OTOA: variants seen among roughly 807,000 people sequenced by gnomAD.
OTOA encodes the protein otoancorin.
Under a neutral mutation model 110.8 loss-of-function variants are expected in OTOA, and 70 were observed. The observed-to-expected ratio is 0.63, with a 90% CI of 0.52 to 0.77. OTOA has a LOEUF of 0.77. Ranked by LOEUF, OTOA falls within the 30% of genes least tolerant of loss-of-function variation. OTOA has a pLI of 0.00. For missense variants in OTOA, 917 were observed against 1,075.8 expected, an observed-to-expected ratio of 0.85 and a Z score of 2.06; for synonymous variants, 373 against 431.5, an observed-to-expected ratio of 0.86 and a Z score of 1.68.
intron 28 of OTOA, 85 bp from the exon 29 acceptor site, chr16:21,760,385 A>T: frequency 9.1e-7 from 1 of 1,101,466 alleles, no homozygotes; most frequent in Non-Finnish European, 1.3e-6. Flanking sequence ...CCCCAGAGAG[A>T]GACTCGGGGA....
intron 1 of OTOA, among the ~76,000 whole-genome samples, chr16:21,667,086 C>T (rs1004677900): frequency 1.3e-5 from 2 of 152,148 alleles, no homozygotes; most frequent in Non-Finnish European, 2.9e-5. Context: ...ATGACCCAAA[C>T]CAGGAAGACT....
chr16:21,738,607 C>T, intron 22 of OTOA, among the ~76,000 whole-genome samples: 1 of 147,714 alleles, frequency 6.8e-6, no homozygotes, highest in African/African-American at 2.5e-5. Flanking sequence ...TGTCCCCAGC[C>T]AAACTCTTCT....
intron 19 of OTOA, chr16:21,727,016 T>TG: frequency 9.5e-6 from 2 of 209,954 alleles, no homozygotes; most frequent in African/African-American, 2.4e-5. Context: ...CTTAGAGTTT[T>TG]TTTTTTTTTT....
rs113820086 is a variant in OTOA, at chr16:21,687,459, C to T, written c.446C>T (p.Ala149Val). 3 of 1,614,018 alleles carry T rather than the reference C, an allele frequency of 1.9e-6. No homozygotes were observed. Among genetic ancestry groups the T allele is most frequent in the Non-Finnish European group, 2.5e-6 (3 of 1,179,994 alleles). Residue 149 changes from alanine (A) to valine (V), a missense_variant, in exon 8 of 29, where the codon GCC (alanine) becomes GTC (valine). Ala to Val is a moderately conservative substitution (Grantham distance 64). Transcript: ENST00000646100. ...GACTTAGGAGAGATTCGAGAACGAG[C>T]CTTGCAGAGCCCTGGCGTGAACCGC... ...IIDLGEIRER[A>V]LQSPGVNRSL...
intron 9 of OTOA, among the ~76,000 whole-genome samples, chr16:21,695,340 C>T (rs1373849045): frequency 6.6e-6 from 1 of 150,716 alleles, no homozygotes; most frequent in Admixed American, 6.6e-5. Flanking sequence ...GAGCTATGAT[C>T]ATCCAACTGC....
chr16:21,736,385 T>G lies in OTOA; in HGVS notation c.2426T>G (p.Met809Arg), dbSNP rs1466394135. The change falls in exon 22 of 29, where the codon ATG becomes AGG. Residue 809 changes from methionine to arginine, a missense_variant. By Grantham distance (91) the Met-to-Arg change is moderately conservative. This residue lies in a region of OTOA where 57 missense variants were observed against 59.7 expected (regional missense o/e 0.96). Coordinates refer to ENST00000646100, the MANE Select transcript of OTOA (RefSeq NM_144672.4). The stretch of plus-strand genomic sequence containing the variant: ...GATAAGATCCCCAGCTATGACCCTA[T>G]GCCTGGTGAGTGTTTTCAGGGTATC... Reference protein sequence around the residue: ...SSDKIPSYDPMPGCHGVVAPS... With the variant: ...SSDKIPSYDPRPGCHGVVAPS... 1 of 1,614,076 alleles carries G rather than the reference T, an allele frequency of 6.2e-7. No individual in the cohort carries two copies. The highest frequency in any genetic ancestry group is 8.5e-7 in the Non-Finnish European group (1 of 1,180,040).
At chr16:21,759,741 A>C (rs2141771763) in intron 28 of OTOA, among the ~76,000 whole-genome samples, 1 of 152,110 alleles carries the variant, frequency 6.6e-6, no homozygotes, top group East Asian at 1.9e-4. Flanking sequence ...TCTCTACTAA[A>C]AATGCAAAAA....
chr16:21,686,425 A>T (rs1048504202), intron 7 of OTOA, among the ~76,000 whole-genome samples: 1 of 151,938 alleles, frequency 6.6e-6, no homozygotes, highest in African/African-American at 2.4e-5. Flanking sequence ...AGCAGCTAGG[A>T]CTACAGGTGC....
chr16:21,688,531 T>C (rs532773932), intron 8 of OTOA, among the ~76,000 whole-genome samples: 1 of 152,294 alleles, frequency 6.6e-6, no homozygotes, highest in East Asian at 1.9e-4. Flanking sequence ...GTAACAAAAA[T>C]ACCATAGACT....
At chr16:21,696,241 T>C (rs1229526951) in intron 9 of OTOA, among the ~76,000 whole-genome samples, 2 of 151,900 alleles carry the variant, frequency 1.3e-5, no homozygotes, top group Admixed American at 1.3e-4. Context: ...ATGGGGAATT[T>C]CAAAAGCCAG....
At position 21,715,036 on chromosome 16, in the gene OTOA, A is replaced by T. The variant is rs767465520; in HGVS notation, c.1372A>T (p.Ser458Cys). 2.5e-6 allele frequency: 4 copies of T among 1,614,224 alleles called. No individual in the cohort carries two copies. The highest frequency in any genetic ancestry group is 3.4e-6 in the Non-Finnish European group (4 of 1,180,018). ...GATGGGCGCACTGCTGGCTGGGGTC[A>T]GCACCCAGGCCTTCTGCAGCATGAA... is the stretch of plus-strand genomic sequence containing the variant. ...SQMGALLAGV[S>C]TQAFCSMKRK... Residue 458 changes from serine to cysteine, a missense_variant, in exon 14 of 29, where the codon AGC becomes TGC. Coordinates refer to ENST00000646100, the MANE Select transcript of OTOA (RefSeq NM_144672.4).
intron 9 of OTOA, among the ~76,000 whole-genome samples, chr16:21,697,540 G>A (rs1567373587): frequency 6.6e-6 from 1 of 152,140 alleles, no homozygotes; most frequent in Non-Finnish European, 1.5e-5. Flanking sequence ...GACTGAGGCA[G>A]GAGAATCGCT....
At chr16:21,717,125 A>C in intron 15 of OTOA, 78 bp downstream of exon 15, 1 of 1,575,186 alleles carries the variant, frequency 6.3e-7, no homozygotes, top group Non-Finnish European at 8.7e-7. Context: ...TTTTAAGGTT[A>C]ATTTGATAAA....
chr16:21,703,323 C>T (rs1048638376), intron 11 of OTOA, among the ~76,000 whole-genome samples: 8 of 152,170 alleles, frequency 5.3e-5, no homozygotes, highest in East Asian at 1.9e-4. Flanking sequence ...ATGAGTATGA[C>T]GTTTGTTTAT....
At chr16:21,739,382 G>C (rs2141741639) in intron 22 of OTOA, among the ~76,000 whole-genome samples, 2 of 151,186 alleles carry the variant, frequency 1.3e-5, no homozygotes, top group Middle Eastern at 3.4e-3. Context: ...TGGGTCTTTA[G>C]TCCTCTCCAA....
rs774689526 is a variant in OTOA, at chr16:21,717,085, ACTAT to A, written c.1629+41_1629+44del. On this transcript the variant is annotated intron_variant, in intron 15 of 28. Coordinates refer to ENST00000646100, the MANE Select transcript of OTOA (RefSeq NM_144672.4). Reference sequence around the variant, plus strand: ...AACACAGATCGATCCTGTATTTCTGACTATCTGTCTTGTGAGAATGAATGGTCTG... The same window carrying A: ...AACACAGATCGATCCTGTATTTCTGACTGTCTTGTGAGAATGAATGGTCTG... 255 of 1,612,186 alleles carry A rather than the reference ACTAT, an allele frequency of 1.6e-4. 5 individuals carry two copies. The South Asian group carries it at 2.5e-3, about 16-fold the overall frequency.
chr16:21,731,510 G>T (rs1181479012), intron 21 of OTOA, among the ~76,000 whole-genome samples: 16 of 152,152 alleles, frequency 1.1e-4, no homozygotes, highest in Non-Finnish European at 1.9e-4. Flanking sequence ...TGGGTCGCTG[G>T]GGCAGCCCTG....
chr16:21,704,775 T>C (rs1898121552), intron 11 of OTOA, among the ~76,000 whole-genome samples: 1 of 152,112 alleles, frequency 6.6e-6, no homozygotes, highest in Non-Finnish European at 1.5e-5. Flanking sequence ...TGCTCAAATC[T>C]GTGTCTCTGA....
At chr16:21,685,405 C>T in intron 7 of OTOA, 44 bp downstream of exon 7, 1 of 1,602,404 alleles carries the variant, frequency 6.2e-7, no homozygotes, top group Non-Finnish European at 8.5e-7. Context: ...AGTCCAGCAC[C>T]ACGTGGTGTT....
Sources: allele counts gnomAD v4.1 joint callset (sites outside exome capture counted in the v4.1 genomes callset), GRCh38; gene constraint gnomAD v4.1.1; regional missense constraint gnomAD v4.1.1; transcripts MANE v1.5; gene names NCBI Gene and HGNC (gene_info 2026-07-23, HGNC 2026-07-21).